Variants in RHOBTB2 observed in about 807,000 individuals in gnomAD.
The protein encoded by RHOBTB2 is rho-related BTB domain-containing protein 2.
In RHOBTB2, 39 loss-of-function variants were observed where a neutral mutation model predicts 66.5. The ratio of observed to expected loss-of-function variants is 0.59; its 90% CI spans 0.45 to 0.77. The LOEUF (loss-of-function observed/expected upper bound fraction) is 0.77. RHOBTB2 is among the 30% of genes least tolerant of loss of function. RHOBTB2 has a pLI of 0.00. For missense variants in RHOBTB2, 755 were observed against 999.1 expected (o/e 0.76, Z 3.29); for synonymous variants, 390 against 395.0 (o/e 0.99, Z 0.15).
intron 7 of RHOBTB2, among the ~76,000 whole-genome samples, chr8:23,012,086 A>G (rs1407456179): frequency 6.6e-6 from 1 of 152,230 alleles, no homozygotes; most frequent in African/African-American, 2.4e-5. Context: ...GATCCCAGCT[A>G]CAACAGTATA....
chr8:23,012,869 T>C (rs985594128), intron 7 of RHOBTB2, among the ~76,000 whole-genome samples: 2 of 152,176 alleles, frequency 1.3e-5, no homozygotes, highest in Non-Finnish European at 2.9e-5. Context: ...AGTGGTGCAA[T>C]CCTGGCTCAC....
intron 1 of RHOBTB2, among the ~76,000 whole-genome samples, chr8:23,003,260 G>A (rs1334492729): frequency 1.3e-5 from 2 of 152,210 alleles, no homozygotes; most frequent in African/African-American, 2.4e-5. Context: ...GCCTCCTGGC[G>A]ACAGATTTTT....
the RHOBTB2 span, among the ~76,000 whole-genome samples, chr8:22,951,222 G>A: frequency 0.25 from 32,504 of 131,866 alleles, 3,733 homozygotes; most frequent in Middle Eastern, 0.29. Flanking sequence ...CCTTTTCCCC[G>A]TTTCCCACTT....
chr8:22,981,314 A>G, the RHOBTB2 span, among the ~76,000 whole-genome samples: 1 of 152,228 alleles, frequency 6.6e-6, no homozygotes, highest in South Asian at 2.1e-4. Flanking sequence ...GGTGACAATC[A>G]TTTTTAAACC....
upstream of RHOBTB2, among the ~76,000 whole-genome samples, chr8:22,985,811 G>C (rs1810277136): frequency 6.6e-6 from 1 of 152,186 alleles, no homozygotes; most frequent in Non-Finnish European, 1.5e-5. Context: ...CCTCTGCCTG[G>C]AGTCACTCTT....
chr8:22,985,192 G>C (rs938582816), upstream of RHOBTB2, among the ~76,000 whole-genome samples: 5 of 152,162 alleles, frequency 3.3e-5, no homozygotes, highest in Non-Finnish European at 7.3e-5. Context: ...TGGGAGCCAG[G>C]GGGCCAGTTG....
the RHOBTB2 span, among the ~76,000 whole-genome samples, chr8:22,958,895 A>G: frequency 6.6e-6 from 1 of 150,402 alleles, no homozygotes; most frequent in South Asian, 2.1e-4. Flanking sequence ...GAATGGGGTA[A>G]GCCAGCATCA....
chr8:22,968,757 G>C, the RHOBTB2 span, among the ~76,000 whole-genome samples: 1 of 148,192 alleles, frequency 6.7e-6, no homozygotes, highest in African/African-American at 2.5e-5. Flanking sequence ...ATTTAATTAG[G>C]GAAGTAAGAC....
the RHOBTB2 span, among the ~76,000 whole-genome samples, chr8:22,966,357 AAAAAG>A: frequency 1.3e-5 from 2 of 152,162 alleles, no homozygotes; most frequent in Non-Finnish European, 2.9e-5. Flanking sequence ...TGTCTCAAAA[AAAAAG>A]AAAAGAAAAA....
intron 1 of RHOBTB2, among the ~76,000 whole-genome samples, chr8:23,002,530 A>G (rs1810815058): frequency 6.6e-6 from 1 of 152,146 alleles, no homozygotes. Flanking sequence ...CGTATCTACT[A>G]AAAATACAAA....
At chr8:23,001,936 G>A (rs764606421) in intron 1 of RHOBTB2, among the ~76,000 whole-genome samples, 1 of 152,208 alleles carries the variant, frequency 6.6e-6, no homozygotes, top group Admixed American at 6.5e-5. Flanking sequence ...TTGTTGATTG[G>A]CTGACCACTG....
In RHOBTB2 at chr8:22,999,838, C is replaced by T. The variant is rs1810713486; in HGVS notation, c.-278C>T. 8.1e-6 allele frequency: 8 copies of T among 984,468 alleles called. No homozygotes were observed. The highest frequency in any genetic ancestry group is 9.6e-6 in the Non-Finnish European group (8 of 829,860). The allele number at this position is 984,468 out of a possible 1,614,324, so 61.0% of individuals were successfully genotyped here. On this transcript the variant is annotated 5_prime_UTR_variant, in exon 1 of 10. Coordinates refer to ENST00000251822, the MANE Select transcript of RHOBTB2 (RefSeq NM_015178.3). ...GCCGTGACATTGGGCGCCTGGCGCG[C>T]GGGGCGATGCTGATCCGGAAGGGGC...
At chr8:23,007,778 C>A in intron 5 of RHOBTB2, 32 bp downstream of exon 5, 1 of 1,603,410 alleles carries the variant, frequency 6.2e-7, no homozygotes, top group Non-Finnish European at 8.5e-7. Context: ...CAAGGGGGTT[C>A]TGCATTGGTG....
At chr8:23,013,849 T>C (rs1811215673) in intron 7 of RHOBTB2, among the ~76,000 whole-genome samples, 1 of 152,208 alleles carries the variant, frequency 6.6e-6, no homozygotes, top group Non-Finnish European at 1.5e-5. Flanking sequence ...ACATTCTTGA[T>C]TGGTTTCAGT....
upstream of RHOBTB2, among the ~76,000 whole-genome samples, chr8:22,997,607 AT>A (rs1435860542): frequency 6.6e-6 from 1 of 152,188 alleles, no homozygotes; most frequent in African/African-American, 2.4e-5. Context: ...CAGAAAGGGC[AT>A]TGGCTCTAGC....
Position 22,999,669 on chromosome 8 carries a change from C to G in RHOBTB2, c.-447C>G. 1 of 1,246,558 alleles carries G rather than the reference C, an allele frequency of 8.0e-7. No individual in the cohort carries two copies. 77.2% of individuals were successfully genotyped at this position (1,246,558 alleles called of 1,614,324 possible). On this transcript the variant is annotated 5_prime_UTR_variant, in exon 1 of 10. Coordinates refer to ENST00000251822, the MANE Select transcript of RHOBTB2 (RefSeq NM_015178.3). ...TTTTGTGAATGAAAAAAGGAGGTCG[C>G]GAGCGGTACCTGGGACTGCAGCGCC...
the RHOBTB2 span, among the ~76,000 whole-genome samples, chr8:22,975,153 A>G: frequency 6.6e-6 from 1 of 152,086 alleles, no homozygotes; most frequent in Admixed American, 6.6e-5. Flanking sequence ...CATCACATGT[A>G]AAGGGCTCAA....
At chr8:22,994,394 G>T (rs1378066237) in intron 2 of RHOBTB2, among the ~76,000 whole-genome samples, 2 of 152,164 alleles carry the variant, frequency 1.3e-5, no homozygotes, top group African/African-American at 4.8e-5. Flanking sequence ...CCCCCAGGCT[G>T]GGGTCTCACC....
chr8:22,966,353 A>C, the RHOBTB2 span, among the ~76,000 whole-genome samples: 8 of 151,604 alleles, frequency 5.3e-5, no homozygotes, highest in East Asian at 1.5e-3. Flanking sequence ...ACTTTGTCTC[A>C]AAAAAAAAGA....
Sources: allele counts gnomAD v4.1 joint callset (sites outside exome capture counted in the v4.1 genomes callset), GRCh38; gene constraint gnomAD v4.1.1; transcripts MANE v1.5; gene names NCBI Gene and HGNC (gene_info 2026-07-23, HGNC 2026-07-21).